The following PBX1 variants were observed in gnomAD, a reference collection of about 807,000 sequenced individuals.
PBX1 encodes pre-B-cell leukemia transcription factor 1.
PBX1 carries 6 observed loss-of-function variants against 53.4 expected under a neutral mutation model. The observed-to-expected ratio is 0.11, with a 90% CI of 0.06 to 0.22. PBX1 has a LOEUF of 0.22. Among genes scored for constraint, PBX1 ranks in the 10% least tolerant of loss-of-function variants. The pLI is 1.00. For synonymous variants in PBX1, 204 were observed against 212.3 expected, an observed-to-expected ratio of 0.96 and a Z score of 0.34; for missense variants, 251 against 551.4, an observed-to-expected ratio of 0.46 and a Z score of 5.46.
At chr1:164,629,934 G>A (rs947052398) in intron 2 of PBX1, among the ~76,000 whole-genome samples, 8 of 151,968 alleles carry the variant, frequency 5.3e-5, no homozygotes, top group African/African-American at 1.9e-4. Context: ...ATTTTTTATG[G>A]GCAATATTTT....
rs1327183791 is a variant in PBX1 at position 164,851,258 on chromosome 1, C to G, written c.*4582C>G. On this transcript the variant is annotated 3_prime_UTR_variant, in exon 9 of 9. Coordinates refer to ENST00000420696, the MANE Select transcript of PBX1 (RefSeq NM_002585.4). ...GAAAAAAATTCATTTTAAATACCAT[C>G]ATTCAACAAATTATGTTCAGAAAGT... is the stretch of plus-strand genomic sequence containing the variant. 9.6e-6 allele frequency: 2 copies of G among 207,548 alleles called. No individual in the cohort carries two copies. The highest frequency in any genetic ancestry group is 2.0e-5 in the Non-Finnish European group (2 of 101,794). 12.9% of individuals were successfully genotyped at this position (207,548 alleles called of 1,614,324 possible).
At chr1:164,799,515 A>G (rs371099395) in intron 3 of PBX1, among the ~76,000 whole-genome samples, 184 bp from the exon 4 acceptor site, 4 of 152,202 alleles carry the variant, frequency 2.6e-5, no homozygotes, top group African/African-American at 9.6e-5. Flanking sequence ...AATAAAAATA[A>G]AAATTCAACA....
chr1:164,631,632 A>G (rs1230632825), intron 2 of PBX1, among the ~76,000 whole-genome samples: 2 of 152,216 alleles, frequency 1.3e-5, no homozygotes, highest in African/African-American at 2.4e-5. Context: ...AGTCCCTGCC[A>G]TTGCTATTTA....
chr1:164,593,628 G>T (rs1301635283), intron 2 of PBX1, among the ~76,000 whole-genome samples: 1 of 66,938 alleles, frequency 1.5e-5, no homozygotes, highest in South Asian at 8.6e-4. Flanking sequence ...TGGCGGCGGG[G>T]TGGGGGCTGG....
chr1:164,768,094 C>T lies in PBX1; in HGVS notation c.266-24400C>T, dbSNP rs114519876. 3.9e-3 allele frequency among the ~76,000 whole-genome samples: 588 copies of T among 151,802 alleles called. 2 individuals are homozygous for T. Among genetic ancestry groups the T allele is most frequent in the African/African-American group, 0.013 (518 of 41,378 alleles). On this transcript the variant is annotated intron_variant, in intron 2 of 8. Coordinates refer to ENST00000420696, the MANE Select transcript of PBX1 (RefSeq NM_002585.4). ...GCTAAGCCAAAATATAGTACTCTTT[C>T]GAATCATATTATCTGAAGGGACATG... is the stretch of plus-strand genomic sequence containing the variant.
At chr1:164,683,428 G>A (rs1661907722) in intron 2 of PBX1, 1 of 152,168 alleles carries the variant, frequency 6.6e-6, no homozygotes, top group Non-Finnish European at 1.5e-5. Context: ...CGCAACAAAG[G>A]AGATAAGCCA....
chr1:164,761,804 C>A (rs1666831699), intron 2 of PBX1, among the ~76,000 whole-genome samples: 1 of 152,138 alleles, frequency 6.6e-6, no homozygotes, highest in Non-Finnish European at 1.5e-5. Flanking sequence ...TTAGTTCAGG[C>A]TATACCTTTA....
chr1:164,804,682 G>A lies in PBX1; in HGVS notation c.702-2860G>A, dbSNP rs753965774. Among the ~76,000 whole-genome samples the A allele has an allele frequency of 3.9e-5, 6 of 152,320 alleles. No individual in the cohort carries two copies. In the South Asian group the frequency reaches 8.3e-4, roughly 21 times the overall value. On this transcript the variant is annotated intron_variant, in intron 4 of 8. Coordinates refer to ENST00000420696, the MANE Select transcript of PBX1 (RefSeq NM_002585.4). ...AGCGCAATTAGAATGAAACAGAAGA[G>A]GTAGATTTGAAAGTGTAGAACTGTC...
At chr1:164,795,804 A>G (rs1668756361) in intron 3 of PBX1, among the ~76,000 whole-genome samples, 1 of 152,158 alleles carries the variant, frequency 6.6e-6, no homozygotes, top group African/African-American at 2.4e-5. Flanking sequence ...TGAAAATGTC[A>G]GTATTTTAGT....
chr1:164,627,924 A>G (rs943540043), intron 2 of PBX1, among the ~76,000 whole-genome samples: 1 of 152,168 alleles, frequency 6.6e-6, no homozygotes, highest in Non-Finnish European at 1.5e-5. Context: ...ATGACCGTAT[A>G]TTTGAAACTA....
chr1:164,884,548 G>T, intron 2 of PBX1: 1 of 512,486 alleles, frequency 2.0e-6, no homozygotes, highest in South Asian at 1.6e-5. Flanking sequence ...CCAGGAAATT[G>T]CAAGAACCTA....
At chr1:164,805,646 AAC>A (rs3835584) in intron 4 of PBX1, among the ~76,000 whole-genome samples, 31,051 of 152,124 alleles carry the variant, frequency 0.2, 3,317 homozygotes, top group South Asian at 0.26. Flanking sequence ...GGCCTAAAAC[AAC>A]AGTCTTTAGG....
chr1:164,845,333 A>AGCACCTATCAAGTGCCAGGCACT (rs766613709), intron 8 of PBX1, among the ~76,000 whole-genome samples: 7,315 of 152,036 alleles, frequency 0.048, 205 homozygotes, highest in East Asian at 0.073. Flanking sequence ...GGAACGGCAT[A>AGCACCTATCAAGTGCCAGGCACT]CTCCAGGTGC....
In PBX1 at chr1:164,757,093, A is replaced by AT. The variant is rs1025488916; in HGVS notation, c.266-35391dup. Among the ~76,000 whole-genome samples the AT allele has an allele frequency of 4.8e-3, 708 of 147,868 alleles. 4 individuals carry two copies. Among genetic ancestry groups the AT allele is most frequent in the African/African-American group, 0.016 (649 of 40,538 alleles). The stretch of plus-strand genomic sequence containing the variant: ...GCAACAAATATTTATAGGGCCTCCC[A>AT]TTTTTTTTTTGCAAGAGGAGAGCAG... On this transcript the variant is annotated intron_variant, in intron 2 of 8. Transcript: ENST00000420696.
chr1:164,853,648 G>A (rs1255038039), downstream of PBX1, among the ~76,000 whole-genome samples: 1 of 152,152 alleles, frequency 6.6e-6, no homozygotes, highest in Admixed American at 6.5e-5. Flanking sequence ...TTGTTTTCTA[G>A]CGTGCCTTAG....
intron 2 of PBX1, among the ~76,000 whole-genome samples, chr1:164,616,529 A>C (rs1341678547): frequency 6.6e-6 from 1 of 152,234 alleles, no homozygotes; most frequent in Non-Finnish European, 1.5e-5. Flanking sequence ...TAGCTGAATC[A>C]TATTTTATAG....
chr1:164,678,835 T>C lies in PBX1; in HGVS notation c.266-113659T>C, dbSNP rs141669249. 5.0e-3 allele frequency among the ~76,000 whole-genome samples: 764 copies of C among 152,294 alleles called. 3 individuals are homozygous for C. Among genetic ancestry groups the C allele is most frequent in the African/African-American group, 0.017 (720 of 41,550 alleles). ...ATGGTAGTTTTATGAACAACTTTTT[T>C]TTTTTCTCTTAGGGCATCTGTTAGA... On this transcript the variant is annotated intron_variant, in intron 2 of 8. Transcript: ENST00000420696.
intron 8 of PBX1, 70 bp from the exon 9 acceptor site, chr1:164,846,514 A>T: frequency 7.5e-7 from 1 of 1,330,896 alleles, no homozygotes; most frequent in South Asian, 1.2e-5. Flanking sequence ...AAGATGCCTC[A>T]TTGTCATTGT....
downstream of PBX1, among the ~76,000 whole-genome samples, chr1:164,855,018 G>A (rs536029302): frequency 3.0e-4 from 44 of 148,936 alleles, no homozygotes; most frequent in Admixed American, 2.8e-3. Flanking sequence ...CACGAACATG[G>A]CTCACTGCAG....
Sources: allele counts gnomAD v4.1 joint callset (sites outside exome capture counted in the v4.1 genomes callset), GRCh38; gene constraint gnomAD v4.1.1; transcripts MANE v1.5; gene names NCBI Gene and HGNC (gene_info 2026-07-23, HGNC 2026-07-21).